The following PLD5 variants were observed in gnomAD, a reference collection of about 807,000 sequenced individuals.
PLD5 encodes inactive phospholipase D5.
In PLD5, 36 loss-of-function variants were observed where a neutral mutation model predicts 61.1. The observed-to-expected ratio is 0.59, with a 90% CI of 0.45 to 0.78. The LOEUF (loss-of-function observed/expected upper bound fraction) is 0.78. PLD5 is among the 30% of genes least tolerant of loss of function. The probability of loss-of-function intolerance (pLI) is 0.00; values close to 1 mark genes in which losing one functional copy is unlikely to be tolerated. For synonymous variants in PLD5, 243 were observed against 242.8 expected (o/e 1.00, Z -0.01); for missense variants, 515 against 644.4 (o/e 0.80, Z 2.17).
chr1:242,266,268 C>G (rs1673665361), intron 3 of PLD5, among the ~76,000 whole-genome samples: 1 of 152,096 alleles, frequency 6.6e-6, no homozygotes, highest in African/African-American at 2.4e-5. Context: ...TTATTCCCAG[C>G]TACTCAGGAG....
At chr1:242,408,278 C>T (rs1440479202) in intron 1 of PLD5, among the ~76,000 whole-genome samples, 2 of 152,180 alleles carry the variant, frequency 1.3e-5, no homozygotes, top group Non-Finnish European at 2.9e-5. Context: ...ACAAGATTTT[C>T]CTGGCAGAGA....
chr1:242,170,796 A>G (rs1479524709), intron 5 of PLD5, among the ~76,000 whole-genome samples: 1 of 152,196 alleles, frequency 6.6e-6, no homozygotes, highest in Non-Finnish European at 1.5e-5. Flanking sequence ...CAAGGGGAAT[A>G]AAGGATATGA....
chr1:242,325,483 G>A, intron 2 of PLD5, among the ~76,000 whole-genome samples: 1 of 151,182 alleles, frequency 6.6e-6, no homozygotes, highest in East Asian at 1.9e-4. Context: ...AGGGGGGAGA[G>A]AAGGTGGAGA....
intron 7 of PLD5, among the ~76,000 whole-genome samples, chr1:242,113,516 C>T (rs896949829): frequency 6.6e-6 from 1 of 152,040 alleles, no homozygotes; most frequent in East Asian, 1.9e-4. Context: ...TTCAATATGC[C>T]CTTTTCAGGT....
chr1:242,336,590 C>T (rs903922803), intron 2 of PLD5, among the ~76,000 whole-genome samples: 1 of 152,132 alleles, frequency 6.6e-6, no homozygotes, highest in Non-Finnish European at 1.5e-5. Context: ...TAAACATGCA[C>T]AATACAAATA....
intron 4 of PLD5, among the ~76,000 whole-genome samples, chr1:242,242,168 C>T (rs1672099056): frequency 6.6e-6 from 1 of 151,780 alleles, no homozygotes; most frequent in Non-Finnish European, 1.5e-5. Context: ...ATGCAATAAA[C>T]ATTTGTTAAA....
chr1:242,218,471 T>C (rs1670354721), intron 5 of PLD5, among the ~76,000 whole-genome samples: 1 of 152,210 alleles, frequency 6.6e-6, no homozygotes, highest in Admixed American at 6.5e-5. Flanking sequence ...TTCCTAGTTT[T>C]CCTAGTTCAA....
intron 5 of PLD5, among the ~76,000 whole-genome samples, chr1:242,125,402 A>C (rs993592511): frequency 6.6e-6 from 1 of 152,140 alleles, no homozygotes; most frequent in African/African-American, 2.4e-5. Flanking sequence ...AAGCTCACAC[A>C]AATAAGTAAA....
rs546284655 is a variant in PLD5, at chr1:242,280,930, A to G, written c.495+7432T>C. Among the ~76,000 whole-genome samples, 17 of 152,304 alleles carry G rather than the reference A, an allele frequency of 1.1e-4. No homozygotes were observed. In the East Asian group the frequency reaches 1.4e-3, roughly 12 times the overall value. On this transcript the variant is annotated intron_variant, in intron 3 of 9. Coordinates refer to ENST00000536534, the MANE Select transcript of PLD5 (RefSeq NM_001372062.1). ...GATAAATGAATAAAGAGTCTCCTTC[A>G]GAAGACTTGAGGGAATGGAGACTTG...
chr1:242,449,142 C>G (rs2102921110), intron 1 of PLD5, among the ~76,000 whole-genome samples: 1 of 152,276 alleles, frequency 6.6e-6, no homozygotes, highest in Non-Finnish European at 1.5e-5. Context: ...TTACAAAGCA[C>G]CATTACCTCT....
At chr1:242,396,645 A>G (rs1283051171) in intron 1 of PLD5, among the ~76,000 whole-genome samples, 1 of 147,644 alleles carries the variant, frequency 6.8e-6, no homozygotes, top group African/African-American at 2.5e-5. Flanking sequence ...GGAAGCCAGC[A>G]TGCTATTTTC....
intron 1 of PLD5, among the ~76,000 whole-genome samples, chr1:242,393,932 T>C (rs1663155554): frequency 7.0e-6 from 1 of 143,340 alleles, no homozygotes. Flanking sequence ...TGGGGGTGCG[T>C]GCCTGTAATC....
At chr1:242,196,700 C>T (rs1159177902) in intron 5 of PLD5, among the ~76,000 whole-genome samples, 1 of 151,674 alleles carries the variant, frequency 6.6e-6, no homozygotes, top group African/African-American at 2.4e-5. Flanking sequence ...TGTACACTAA[C>T]AAAGAAATAC....
intron 1 of PLD5, among the ~76,000 whole-genome samples, chr1:242,499,745 A>T (rs969604602): frequency 6.6e-6 from 1 of 152,152 alleles, no homozygotes; most frequent in African/African-American, 2.4e-5. Flanking sequence ...CATAAAGCAA[A>T]CTATTTTGTT....
chr1:242,090,723 T>C (rs1659757332), intron 9 of PLD5, among the ~76,000 whole-genome samples: 1 of 152,208 alleles, frequency 6.6e-6, no homozygotes, highest in Non-Finnish European at 1.5e-5. Context: ...TTTTTAGGGC[T>C]GCCATAGCAA....
chr1:242,089,746 T>C lies in PLD5; in HGVS notation c.*108A>G. On this transcript the variant is annotated 3_prime_UTR_variant, in exon 10 of 10. Transcript: ENST00000536534. Reference sequence around the variant, plus strand: ...TTGTTCAGAGAATATTTTTTATAAGTGTGCTTTTTCCCTAAAAAAAGAGAC... The same window carrying C: ...TTGTTCAGAGAATATTTTTTATAAGCGTGCTTTTTCCCTAAAAAAAGAGAC... 5 of 1,376,634 alleles carry C rather than the reference T, an allele frequency of 3.6e-6. No homozygotes were observed. The highest frequency in any genetic ancestry group is 4.0e-5 in the Admixed American group (2 of 49,938). 85.3% of individuals were successfully genotyped at this position (1,376,634 alleles called of 1,614,324 possible).
chr1:242,183,096 T>C (rs1574469081), intron 5 of PLD5, among the ~76,000 whole-genome samples: 1 of 152,214 alleles, frequency 6.6e-6, no homozygotes, highest in East Asian at 1.9e-4. Flanking sequence ...ATGTGTGTGT[T>C]TGGGTTATCT....
intron 2 of PLD5, among the ~76,000 whole-genome samples, chr1:242,325,412 G>C (rs1658690592): frequency 1.4e-5 from 2 of 143,108 alleles, no homozygotes; most frequent in Admixed American, 7.0e-5. Flanking sequence ...GGGTTGTGGG[G>C]GGAGAGCGAG....
chr1:242,432,760 T>A (rs961104660), intron 1 of PLD5, among the ~76,000 whole-genome samples: 2 of 151,356 alleles, frequency 1.3e-5, no homozygotes, highest in African/African-American at 4.9e-5. Flanking sequence ...ATTAGATTTG[T>A]GATGTGGGAA....
Sources: allele counts gnomAD v4.1 joint callset (sites outside exome capture counted in the v4.1 genomes callset), GRCh38; gene constraint gnomAD v4.1.1; transcripts MANE v1.5; gene names NCBI Gene and HGNC (gene_info 2026-07-23, HGNC 2026-07-21).